The following SPEF2 variants were observed in gnomAD, a reference collection of about 807,000 sequenced individuals.
SPEF2 encodes sperm flagellar and cilia associated 2.
Under a neutral mutation model 224.6 loss-of-function variants are expected in SPEF2, and 187 were observed. That is an observed-to-expected ratio of 0.83 (90% CI 0.74 to 0.94). The LOEUF (loss-of-function observed/expected upper bound fraction) is 0.94. Among genes scored for constraint, SPEF2 ranks in the 40% least tolerant of loss-of-function variants. The pLI, the probability that SPEF2 is intolerant of heterozygous loss-of-function variation, is 0.00. For synonymous variants in SPEF2, 715 were observed against 707.3 expected, an observed-to-expected ratio of 1.01 and a Z score of -0.17; for missense variants, 2,170 against 2,135.6, an observed-to-expected ratio of 1.02 and a Z score of -0.32.
chr5:35,759,554 A>G lies in SPEF2; in HGVS notation c.3469-14A>G. Reference sequence around the variant, plus strand: ...TTCTTTCTTGGATATTAACATTCACATTTGCTATTAAAGGCAGAGCTGAAC... The same window carrying G: ...TTCTTTCTTGGATATTAACATTCACGTTTGCTATTAAAGGCAGAGCTGAAC... On this transcript the variant is annotated splice_polypyrimidine_tract_variant and intron_variant, in intron 24 of 36. Coordinates refer to ENST00000356031, the MANE Select transcript of SPEF2 (RefSeq NM_024867.4). 2 of 1,558,364 alleles carry G rather than the reference A, an allele frequency of 1.3e-6. No individual in the cohort carries two copies. Among genetic ancestry groups the G allele is most frequent in the Non-Finnish European group, 1.7e-6 (2 of 1,143,282 alleles).
intron 10 of SPEF2, among the ~76,000 whole-genome samples, chr5:35,681,182 G>A (rs1284057691): frequency 1.3e-5 from 2 of 152,140 alleles, no homozygotes; most frequent in Admixed American, 6.5e-5. Context: ...CTGTTGATAA[G>A]AGGTTTTAGA....
intron 23 of SPEF2, among the ~76,000 whole-genome samples, chr5:35,743,056 C>G (rs1231856759): frequency 6.6e-6 from 1 of 150,788 alleles, no homozygotes; most frequent in Non-Finnish European, 1.5e-5. Flanking sequence ...TGAGAAGACT[C>G]TAAAATATAT....
chr5:35,777,349 C>T (rs1222876510), intron 29 of SPEF2, among the ~76,000 whole-genome samples: 1 of 151,992 alleles, frequency 6.6e-6, no homozygotes, highest in East Asian at 1.9e-4. Flanking sequence ...ATAAAAAATA[C>T]AAACACAAGC....
At chr5:35,697,516 A>G (rs543127851) in intron 14 of SPEF2, among the ~76,000 whole-genome samples, 174 bp from the exon 15 acceptor site, 1 of 152,330 alleles carries the variant, frequency 6.6e-6, no homozygotes, top group Admixed American at 6.5e-5. Flanking sequence ...TCGAAGGAAG[A>G]GCCTCAAATT....
In SPEF2 at chr5:35,714,238, G is replaced by T. The variant is rs956091095; in HGVS notation, c.2914+1352G>T. ...CTTATGACTTGTTTGAGTTTCTTCA[G>T]AGAATTTTTCAACCATCAAAGAGTA... On this transcript the variant is annotated intron_variant, in intron 20 of 36. Coordinates refer to ENST00000356031, the MANE Select transcript of SPEF2 (RefSeq NM_024867.4). Among the ~76,000 whole-genome samples, 72 of 150,952 alleles carry T rather than the reference G, an allele frequency of 4.8e-4. 7 individuals carry two copies. The highest frequency in any genetic ancestry group is 1.7e-3 in the African/African-American group (70 of 41,206).
chr5:35,790,229 T>A (rs1362162701), intron 30 of SPEF2: 2 of 681,842 alleles, frequency 2.9e-6, no homozygotes. Flanking sequence ...ATGTCCTAAT[T>A]ATTCAGTTGA....
chr5:35,652,718 G>C (rs527340721), intron 6 of SPEF2, among the ~76,000 whole-genome samples: 3 of 152,196 alleles, frequency 2.0e-5, no homozygotes, highest in Non-Finnish European at 4.4e-5. Flanking sequence ...TCAGCTGGGA[G>C]GCGCAAACCT....
intron 1 of SPEF2, among the ~76,000 whole-genome samples, chr5:35,618,729 C>T (rs953641160): frequency 1.1e-4 from 17 of 152,108 alleles, no homozygotes; most frequent in Admixed American, 9.2e-4. Context: ...ACCTTATTCA[C>T]CAACCTAATT....
chr5:35,689,474 CA>C (rs530236130), intron 10 of SPEF2, among the ~76,000 whole-genome samples: 61 of 152,180 alleles, frequency 4.0e-4, no homozygotes, highest in East Asian at 2.7e-3. Context: ...GCAAAGTTCC[CA>C]ATAGGTAGCT....
chr5:35,742,773 T>G (rs1747870810), intron 23 of SPEF2, among the ~76,000 whole-genome samples: 1 of 151,988 alleles, frequency 6.6e-6, no homozygotes, highest in Non-Finnish European at 1.5e-5. Flanking sequence ...AGCCATCTGT[T>G]GATCATATAG....
At chr5:35,670,386 G>C in intron 10 of SPEF2, 159 bp downstream of exon 10, 1 of 1,376,026 alleles carries the variant, frequency 7.3e-7, no homozygotes, top group South Asian at 1.8e-5. Flanking sequence ...CTACTTTTTA[G>C]ATGCTTAAAC....
intron 15 of SPEF2, 27 bp downstream of exon 15, chr5:35,697,820 A>C: frequency 6.7e-7 from 1 of 1,490,650 alleles, no homozygotes; most frequent in Non-Finnish European, 9.3e-7. Context: ...TCTTCCTCTC[A>C]TCTATTTAAT....
chr5:35,639,666 T>G (rs1193174102), intron 2 of SPEF2, among the ~76,000 whole-genome samples: 2 of 122,558 alleles, frequency 1.6e-5, no homozygotes, highest in African/African-American at 6.6e-5. Context: ...GAAGATTTGT[T>G]TTTTTTTTTT....
At chr5:35,723,743 A>G (rs1017751236) in intron 20 of SPEF2, among the ~76,000 whole-genome samples, 3 of 152,226 alleles carry the variant, frequency 2.0e-5, no homozygotes, top group African/African-American at 7.2e-5. Context: ...TGATGGAGGA[A>G]GTATGATGGG....
intron 20 of SPEF2, 116 bp downstream of exon 20, chr5:35,713,002 T>C: frequency 1.1e-6 from 1 of 946,428 alleles, no homozygotes; most frequent in Non-Finnish European, 1.6e-6. Context: ...CAGGCATTTG[T>C]AAATCATAAG....
intron 30 of SPEF2, chr5:35,789,001 A>T (rs1755581432): frequency 1.4e-6 from 1 of 697,180 alleles, no homozygotes; most frequent in Non-Finnish European, 2.6e-6. Flanking sequence ...TTCTCAAGGG[A>T]TATCCTGCAA....
At chr5:35,733,102 TTTTTTTG>T (rs548480244) in intron 21 of SPEF2, among the ~76,000 whole-genome samples, 2 of 150,502 alleles carry the variant, frequency 1.3e-5, no homozygotes, top group African/African-American at 5.0e-5. Context: ...AACACAGGTT[TTTTTTTG>T]TTTTTTGTTT....
At chr5:35,696,583 T>A (rs576847428) in intron 14 of SPEF2, among the ~76,000 whole-genome samples, 90 of 152,348 alleles carry the variant, frequency 5.9e-4, no homozygotes, top group Non-Finnish European at 1.1e-3. Flanking sequence ...GAGCATACAT[T>A]GTTTTGTACA....
At chr5:35,744,561 C>T (rs970397092) in intron 23 of SPEF2, among the ~76,000 whole-genome samples, 3 of 152,118 alleles carry the variant, frequency 2.0e-5, no homozygotes, top group Admixed American at 2.0e-4. Context: ...ACACTGAGTC[C>T]GTGGGAGAAA....
Sources: gnomAD v4.1 joint callset for allele counts (sites outside exome capture counted in the v4.1 genomes callset) on GRCh38, gnomAD v4.1.1 for gene constraint, MANE v1.5 for transcripts, NCBI Gene and HGNC (gene_info 2026-07-23, HGNC 2026-07-21) for gene names.